ITGA9: variants seen among roughly 807,000 people sequenced by gnomAD.
ITGA9 encodes integrin subunit alpha 9.
In ITGA9, 56 loss-of-function variants were observed where a neutral mutation model predicts 127.8. The ratio of observed to expected loss-of-function variants is 0.44; its 90% confidence interval spans 0.35 to 0.55. The LOEUF (loss-of-function observed/expected upper bound fraction) is 0.55. Ranked by LOEUF, ITGA9 falls within the 20% of genes least tolerant of loss-of-function variation. The pLI is 0.00. For synonymous variants in ITGA9, 508 were observed against 514.5 expected, an observed-to-expected ratio of 0.99 and a Z score of 0.17; for missense variants, 1,196 against 1,347.1, an observed-to-expected ratio of 0.89 and a Z score of 1.76.
intron 20 of ITGA9, among the ~76,000 whole-genome samples, chr3:37,739,116 G>A (rs977035860): frequency 2.2e-4 from 34 of 152,064 alleles, no homozygotes; most frequent in African/African-American, 8.0e-4. Flanking sequence ...CTCTGTGCTG[G>A]GCACATTTTC....
intron 18 of ITGA9, among the ~76,000 whole-genome samples, chr3:37,692,398 TGA>T (rs75412955): frequency 0.011 from 1,558 of 144,394 alleles, 16 homozygotes; most frequent in South Asian, 0.028. Context: ...AATGAAGGAT[TGA>T]GAGAGAGAGA....
rs112874289 is a variant in ITGA9 at position 37,693,651 on chromosome 3, G to T, written c.2067+9636G>T. ...TATGTGTTTGTATACCTTTATTTGA[G>T]GGAGTGCTTTGGCCTGTTTTTAGAC... On this transcript the variant is annotated intron_variant, in intron 18 of 27. Transcript: ENST00000264741. Among the ~76,000 whole-genome samples the T allele has an allele frequency of 4.4e-3, 666 of 152,252 alleles. 1 individual carries two copies. Among genetic ancestry groups the T allele is most frequent in the African/African-American group, 0.015 (614 of 41,530 alleles).
intron 26 of ITGA9, among the ~76,000 whole-genome samples, chr3:37,794,136 C>T (rs185379538): frequency 6.6e-6 from 1 of 152,350 alleles, no homozygotes; most frequent in East Asian, 1.9e-4. Flanking sequence ...TAGGCATGTG[C>T]TATGATTACC....
In ITGA9 at chr3:37,783,532, T is replaced by C. The variant is rs912983464; in HGVS notation, c.2788-1445T>C. 3.3e-5 allele frequency among the ~76,000 whole-genome samples: 5 copies of C among 152,014 alleles called. No individual in the cohort carries two copies. In the East Asian group the frequency reaches 9.8e-4, roughly 30 times the overall value. On this transcript the variant is annotated intron_variant, in intron 25 of 27. Transcript: ENST00000264741. ...ATTTTTTTTTAATCTTTTGTAGAGA[T>C]AGGATGTTTCCCCAGGCTGGACTTG...
At chr3:37,587,930 A>T (rs931597514) in intron 15 of ITGA9, among the ~76,000 whole-genome samples, 1 of 152,210 alleles carries the variant, frequency 6.6e-6, no homozygotes, top group Non-Finnish European at 1.5e-5. Flanking sequence ...GTTAGCATCC[A>T]GAGTGGCATG....
chr3:37,554,514 C>T (rs1203548838), intron 15 of ITGA9, among the ~76,000 whole-genome samples: 1 of 151,946 alleles, frequency 6.6e-6, no homozygotes, highest in Non-Finnish European at 1.5e-5. Flanking sequence ...ACCTGGCCTG[C>T]CTTCCATTTT....
intron 4 of ITGA9, 114 bp downstream of exon 4, chr3:37,481,721 A>G (rs1698557946): frequency 1.4e-6 from 2 of 1,385,286 alleles, no homozygotes; most frequent in South Asian, 1.2e-5. Flanking sequence ...CATGCTCATG[A>G]TAGGGCAGCA....
chr3:37,551,146 G>A (rs1451512413), intron 15 of ITGA9, among the ~76,000 whole-genome samples: 1 of 152,112 alleles, frequency 6.6e-6, no homozygotes, highest in Non-Finnish European at 1.5e-5. Flanking sequence ...TGGTTCAGAG[G>A]TACTCTGTAT....
At chr3:37,758,544 T>C (rs1395994404) in intron 23 of ITGA9, among the ~76,000 whole-genome samples, 1 of 151,246 alleles carries the variant, frequency 6.6e-6, no homozygotes, top group East Asian at 1.9e-4. Flanking sequence ...AAGTTAAAAA[T>C]TAAATTCAAC....
intron 26 of ITGA9, among the ~76,000 whole-genome samples, chr3:37,792,333 G>A (rs1017909919): frequency 1.3e-5 from 2 of 152,226 alleles, no homozygotes; most frequent in African/African-American, 4.8e-5. Flanking sequence ...AGAGCTGGCC[G>A]AGGGGGCAGC....
chr3:37,789,891 A>G, intron 26 of ITGA9: 1 of 602,464 alleles, frequency 1.7e-6, no homozygotes, highest in Non-Finnish European at 2.8e-6. Flanking sequence ...GATGAGGAGT[A>G]CACATAGGAA....
chr3:37,577,321 A>G (rs1294286918), intron 15 of ITGA9, among the ~76,000 whole-genome samples: 2 of 152,244 alleles, frequency 1.3e-5, no homozygotes, highest in African/African-American at 4.8e-5. Flanking sequence ...TGAGTATAAA[A>G]GGAATCCTGG....
At chr3:37,600,589 G>A (rs1288920937) in intron 15 of ITGA9, among the ~76,000 whole-genome samples, 1 of 152,144 alleles carries the variant, frequency 6.6e-6, no homozygotes, top group Non-Finnish European at 1.5e-5. Flanking sequence ...ATCTGCAGGG[G>A]TTCAGCATTG....
intron 26 of ITGA9, among the ~76,000 whole-genome samples, chr3:37,801,160 G>A (rs544894644): frequency 4.6e-5 from 7 of 152,040 alleles, no homozygotes; most frequent in South Asian, 2.1e-4. Flanking sequence ...GCAAGACTCC[G>A]TCTCAAAAAA....
chr3:37,622,963 T>G (rs1449744456), intron 15 of ITGA9, among the ~76,000 whole-genome samples: 1 of 152,204 alleles, frequency 6.6e-6, no homozygotes, highest in East Asian at 1.9e-4. Context: ...TGTTATACCT[T>G]GCACTGTGTC....
intron 18 of ITGA9, among the ~76,000 whole-genome samples, chr3:37,698,229 G>T (rs1171229112): frequency 1.3e-5 from 2 of 152,078 alleles, no homozygotes; most frequent in African/African-American, 4.8e-5. Flanking sequence ...GTAGATTCTG[G>T]ATATTAGCCC....
chr3:37,564,713 A>AT (rs1699528676), intron 15 of ITGA9, among the ~76,000 whole-genome samples: 1 of 152,216 alleles, frequency 6.6e-6, no homozygotes, highest in South Asian at 2.1e-4. Context: ...CACCTGTTGA[A>AT]TGCCTGTGCA....
chr3:37,609,682 C>T (rs1049663248), intron 15 of ITGA9, among the ~76,000 whole-genome samples: 1 of 152,200 alleles, frequency 6.6e-6, no homozygotes, highest in Non-Finnish European at 1.5e-5. Flanking sequence ...GAATTCGGGA[C>T]AGGGCACATT....
chr3:37,687,053 A>G (rs1052465963), intron 18 of ITGA9, among the ~76,000 whole-genome samples: 4 of 152,232 alleles, frequency 2.6e-5, no homozygotes, highest in African/African-American at 9.6e-5. Context: ...GAGGGAAAGC[A>G]TAAGTTTTAA....
Sources: allele counts gnomAD v4.1 joint callset (sites outside exome capture counted in the v4.1 genomes callset), GRCh38; gene constraint gnomAD v4.1.1; transcripts MANE v1.5; gene names NCBI Gene and HGNC (gene_info 2026-07-23, HGNC 2026-07-21).